NXPE2: variants seen among roughly 807,000 people sequenced by gnomAD.
NXPE2 encodes NXPE family member 2.
In NXPE2, 34 loss-of-function variants were observed where a neutral mutation model predicts 34.4. The observed-to-expected ratio is 0.99, with a 90% CI of 0.75 to 1.31. The LOEUF is 1.31. Among genes scored for constraint, NXPE2 ranks in the 40% most tolerant of loss-of-function variants. The probability of loss-of-function intolerance (pLI) is 0.00; values close to 1 mark genes in which losing one functional copy is unlikely to be tolerated. For synonymous variants in NXPE2, 235 were observed against 231.3 expected (o/e 1.02, Z -0.15); for missense variants, 649 against 672.5 (o/e 0.97, Z 0.39).
the NXPE2 span, among the ~76,000 whole-genome samples, chr11:114,734,240 T>TA: frequency 0.025 from 3,798 of 152,120 alleles, 158 homozygotes; most frequent in African/African-American, 0.086. Flanking sequence ...TGTATTTTGC[T>TA]AAAAAAAATC....
the NXPE2 span, among the ~76,000 whole-genome samples, chr11:114,658,624 T>C: frequency 6.6e-6 from 1 of 152,138 alleles, no homozygotes; most frequent in Non-Finnish European, 1.5e-5. Flanking sequence ...AAGACACATA[T>C]GAAGATCCCT....
At chr11:114,491,028 G>T in the NXPE2 span, among the ~76,000 whole-genome samples, 3 of 150,038 alleles carry the variant, frequency 2.0e-5, no homozygotes, top group East Asian at 5.8e-4. Flanking sequence ...CGGGCGCGGT[G>T]GCGGGCGCCT....
chr11:114,801,189 G>A, the NXPE2 span, among the ~76,000 whole-genome samples: 1 of 152,010 alleles, frequency 6.6e-6, no homozygotes, highest in Non-Finnish European at 1.5e-5. Context: ...AAAGAAAAAA[G>A]GAAAAGAGAA....
At chr11:114,756,406 G>A in the NXPE2 span, among the ~76,000 whole-genome samples, 2 of 152,032 alleles carry the variant, frequency 1.3e-5, no homozygotes, top group Non-Finnish European at 2.9e-5. Context: ...AAAATTATTA[G>A]CTTTTTAAAA....
chr11:114,778,105 C>T, the NXPE2 span, among the ~76,000 whole-genome samples: 1 of 152,118 alleles, frequency 6.6e-6, no homozygotes, highest in African/African-American at 2.4e-5. Context: ...TAGATGGAGG[C>T]AGGGGAAATG....
At chr11:114,587,112 C>T in the NXPE2 span, among the ~76,000 whole-genome samples, 3 of 152,106 alleles carry the variant, frequency 2.0e-5, no homozygotes, top group African/African-American at 7.2e-5. Context: ...TCCTAATTCT[C>T]GCTTTTTTTG....
the NXPE2 span, among the ~76,000 whole-genome samples, chr11:114,558,078 T>C: frequency 9.4e-4 from 143 of 152,158 alleles, no homozygotes; most frequent in Admixed American, 9.8e-4. Flanking sequence ...AGATCAAATA[T>C]AACATCCTCT....
chr11:114,753,150 T>C, the NXPE2 span, among the ~76,000 whole-genome samples: 1 of 152,192 alleles, frequency 6.6e-6, no homozygotes, highest in Non-Finnish European at 1.5e-5. Flanking sequence ...CTAGCACCTG[T>C]AGTCCCTGCA....
At chr11:114,577,648 A>C in the NXPE2 span, among the ~76,000 whole-genome samples, 1 of 152,196 alleles carries the variant, frequency 6.6e-6, no homozygotes, top group Non-Finnish European at 1.5e-5. Flanking sequence ...TGGGGATGGA[A>C]AGGTAGTGAG....
the NXPE2 span, among the ~76,000 whole-genome samples, chr11:114,565,227 T>C: frequency 6.6e-6 from 1 of 152,208 alleles, no homozygotes; most frequent in Admixed American, 6.5e-5. Flanking sequence ...GCAGGCTTGA[T>C]GAATTTTGGG....
At chr11:114,712,593 C>T in the NXPE2 span, among the ~76,000 whole-genome samples, 16 of 152,098 alleles carry the variant, frequency 1.1e-4, no homozygotes, top group Non-Finnish European at 2.4e-4. Context: ...TCAGGATGGC[C>T]GCTATCAACA....
chr11:114,604,914 G>A, the NXPE2 span, among the ~76,000 whole-genome samples: 1 of 151,884 alleles, frequency 6.6e-6, no homozygotes, highest in African/African-American at 2.4e-5. Flanking sequence ...TGGATAATTA[G>A]TGTTGCCTCT....
At chr11:114,716,862 A>G in the NXPE2 span, among the ~76,000 whole-genome samples, 2 of 152,128 alleles carry the variant, frequency 1.3e-5, no homozygotes, top group South Asian at 4.2e-4. Context: ...GACAAAGAAC[A>G]CTGTCTGTGA....
the NXPE2 span, among the ~76,000 whole-genome samples, chr11:114,813,580 T>A: frequency 1.3e-5 from 2 of 152,170 alleles, no homozygotes; most frequent in Non-Finnish European, 2.9e-5. Flanking sequence ...TCTGGGGGAG[T>A]TCATCTTCAG....
At chr11:114,774,152 C>A in the NXPE2 span, among the ~76,000 whole-genome samples, 1 of 152,218 alleles carries the variant, frequency 6.6e-6, no homozygotes, top group Non-Finnish European at 1.5e-5. Flanking sequence ...ACTATTGTAC[C>A]AGAGCATGTT....
the NXPE2 span, among the ~76,000 whole-genome samples, chr11:114,745,687 G>A: frequency 6.6e-6 from 1 of 152,000 alleles, no homozygotes; most frequent in Non-Finnish European, 1.5e-5. Flanking sequence ...AATTCAGAAT[G>A]TCAACTGTGA....
At chr11:114,571,267 C>T in the NXPE2 span, 2 of 1,613,814 alleles carry the variant, frequency 1.2e-6, no homozygotes, top group Admixed American at 1.7e-5. Context: ...AAATGCTGGC[C>T]CAGGGAAATA....
chr11:114,484,362 G>T, the NXPE2 span, among the ~76,000 whole-genome samples: 1 of 152,132 alleles, frequency 6.6e-6, no homozygotes, highest in East Asian at 1.9e-4. Flanking sequence ...ATGTGGGGGG[G>T]TAGAATTGAG....
At chr11:114,582,666 G>T in the NXPE2 span, 1 of 1,614,170 alleles carries the variant, frequency 6.2e-7, no homozygotes, top group East Asian at 2.2e-5. Context: ...CTTTCCTGAA[G>T]CACCTGCCAT....
Sources: allele counts gnomAD v4.1 joint callset (sites outside exome capture counted in the v4.1 genomes callset), GRCh38; gene constraint gnomAD v4.1.1; transcripts MANE v1.5; gene names NCBI Gene and HGNC (gene_info 2026-07-23, HGNC 2026-07-21).